The following STAB2 variants were observed in gnomAD, a reference collection of about 807,000 sequenced individuals.
STAB2 encodes stabilin-2.
STAB2 carries 288 observed loss-of-function variants against 338.1 expected under a neutral mutation model. That is an observed-to-expected ratio of 0.85 (90% CI 0.77 to 0.94). The LOEUF (loss-of-function observed/expected upper bound fraction) is 0.94. STAB2 is among the 40% of genes least tolerant of loss of function. STAB2 has a pLI of 0.00. For missense variants in STAB2, 3,141 were observed against 3,210.1 expected, an observed-to-expected ratio of 0.98 and a Z score of 0.52; for synonymous variants, 1,202 against 1,193.3, an observed-to-expected ratio of 1.01 and a Z score of -0.15.
At chr12:103,756,645 T>C (rs939442684) in intron 63 of STAB2, among the ~76,000 whole-genome samples, 7 of 152,122 alleles carry the variant, frequency 4.6e-5, no homozygotes, top group African/African-American at 1.7e-4. Context: ...CCCTCATGCT[T>C]TCGAGTACGG....
At chr12:103,693,331 G>A (rs1476541166) in intron 31 of STAB2, among the ~76,000 whole-genome samples, 1 of 152,038 alleles carries the variant, frequency 6.6e-6, no homozygotes, top group Non-Finnish European at 1.5e-5. Flanking sequence ...CAGCTACTAG[G>A]AAGGCTGAGG....
At chr12:103,613,291 T>C (rs1957155798) in intron 3 of STAB2, among the ~76,000 whole-genome samples, 1 of 152,046 alleles carries the variant, frequency 6.6e-6, no homozygotes, top group South Asian at 2.1e-4. Context: ...AGAGGTGGAG[T>C]ATACAGAGGT....
chr12:103,713,777 CCTT>C lies in STAB2; in HGVS notation c.4537+11_4537+13del. 6.2e-7 allele frequency: 1 copy of C among 1,613,326 alleles called. No individual in the cohort carries two copies. The highest frequency in any genetic ancestry group is 8.5e-7 in the Non-Finnish European group (1 of 1,179,566). ...TGGCATTGTGTGCCTGGGTAGGTGT[CCTT>C]CCCTCTTCCATCGGCGAAATGGTAT... is the stretch of plus-strand genomic sequence containing the variant. On this transcript the variant is annotated intron_variant, in intron 42 of 68. Coordinates refer to ENST00000388887, the MANE Select transcript of STAB2 (RefSeq NM_017564.10).
intron 3 of STAB2, among the ~76,000 whole-genome samples, chr12:103,595,651 A>G (rs1593120410): frequency 1.3e-5 from 2 of 152,220 alleles, no homozygotes; most frequent in Admixed American, 6.5e-5. Context: ...TACTCAGCTT[A>G]TATTACCAGA....
intron 9 of STAB2, among the ~76,000 whole-genome samples, chr12:103,643,190 C>T (rs902404624): frequency 8.5e-5 from 13 of 152,108 alleles, no homozygotes; most frequent in Admixed American, 3.3e-4. Context: ...TAAGGGCACT[C>T]ATTCCATTCA....
Position 103,757,035 on chromosome 12 carries a change from T to C in STAB2, c.6988-1135T>C, listed in dbSNP as rs540313162. ...TATATATATATATATATATATAAAA[T>C]ATATATATTAAAGTATGTAAATATA... On this transcript the variant is annotated intron_variant, in intron 63 of 68. Coordinates refer to ENST00000388887, the MANE Select transcript of STAB2 (RefSeq NM_017564.10). Among the ~76,000 whole-genome samples, 17 of 138,544 alleles carry C rather than the reference T, an allele frequency of 1.2e-4. 1 individual carries two copies. In the South Asian group the frequency reaches 3.8e-3, roughly 31 times the overall value. 90.9% of individuals were successfully genotyped at this position (138,544 alleles called of 152,430 possible).
At chr12:103,693,490 G>A (rs1311853439) in intron 31 of STAB2, among the ~76,000 whole-genome samples, 2 of 148,898 alleles carry the variant, frequency 1.3e-5, no homozygotes, top group African/African-American at 5.0e-5. Flanking sequence ...TGTGAAGTCT[G>A]TACAACCAGA....
chr12:103,661,900 GGGTCA>G (rs1874654428), intron 17 of STAB2, among the ~76,000 whole-genome samples: 1 of 152,110 alleles, frequency 6.6e-6, no homozygotes, highest in Non-Finnish European at 1.5e-5. Context: ...AGGAGAGTGG[GGGTCA>G]GGTCATGCAT....
chr12:103,726,584 A>G (rs533794261), intron 46 of STAB2, among the ~76,000 whole-genome samples: 2 of 152,252 alleles, frequency 1.3e-5, no homozygotes, highest in East Asian at 3.9e-4. Flanking sequence ...GGGACCCTGG[A>G]TTTCTAGAAT....
chr12:103,751,285 C>T lies in STAB2; in HGVS notation c.6580+565C>T, dbSNP rs184170989. Among the ~76,000 whole-genome samples the T allele has an allele frequency of 4.6e-5, 7 of 152,102 alleles. No homozygotes were observed. The East Asian group carries it at 1.2e-3, about 25-fold the overall frequency. On this transcript the variant is annotated intron_variant, in intron 60 of 68. Transcript: ENST00000388887. ...TTTCTGCTGGCCAGGACAGCATGGC[C>T]AGGAGAGAATGATCAAGGGTCAGCT...
intron 21 of STAB2, among the ~76,000 whole-genome samples, chr12:103,670,062 C>T (rs1875604779): frequency 6.6e-6 from 1 of 152,208 alleles, no homozygotes; most frequent in Admixed American, 6.5e-5. Context: ...ACTCATCTAG[C>T]TTGGAGGCAA....
chr12:103,736,577 G>C (rs1026347574), intron 52 of STAB2, among the ~76,000 whole-genome samples: 5 of 151,966 alleles, frequency 3.3e-5, no homozygotes, highest in African/African-American at 1.2e-4. Flanking sequence ...TAGTAAGAAT[G>C]CCCTCTGCTT....
At chr12:103,702,728 C>T (rs971260924) in intron 34 of STAB2, among the ~76,000 whole-genome samples, 1 of 152,228 alleles carries the variant, frequency 6.6e-6, no homozygotes, top group African/African-American at 2.4e-5. Flanking sequence ...GAAGGCACTA[C>T]CACCTCCAGA....
At chr12:103,737,566 T>G in intron 52 of STAB2, 68 bp from the exon 53 acceptor site, 1 of 1,436,890 alleles carries the variant, frequency 7.0e-7, no homozygotes, top group Non-Finnish European at 9.3e-7. Flanking sequence ...GTGAAAGAGA[T>G]TGACTGTTTC....
intron 3 of STAB2, among the ~76,000 whole-genome samples, chr12:103,616,649 G>C (rs766497097): frequency 2.0e-5 from 3 of 152,184 alleles, no homozygotes; most frequent in Admixed American, 6.5e-5. Flanking sequence ...AGGCAAACTG[G>C]GTGTCACCCA....
chr12:103,750,278 G>A (rs1422089392), intron 59 of STAB2, among the ~76,000 whole-genome samples: 1 of 152,188 alleles, frequency 6.6e-6, no homozygotes, highest in Non-Finnish European at 1.5e-5. Flanking sequence ...AGCACAAGGA[G>A]CCCTGTGAAG....
At chr12:103,756,709 A>C (rs1439019329) in intron 63 of STAB2, among the ~76,000 whole-genome samples, 1 of 152,108 alleles carries the variant, frequency 6.6e-6, no homozygotes, top group Non-Finnish European at 1.5e-5. Context: ...CAGTGACCGC[A>C]GGAGGAAAGG....
rs565878443 is a variant in STAB2, at chr12:103,664,311, T to A, written c.2022+1313T>A. Among the ~76,000 whole-genome samples, 3 of 152,082 alleles carry A rather than the reference T, an allele frequency of 2.0e-5. No individual in the cohort carries two copies. The South Asian group carries it at 6.2e-4, about 32-fold the overall frequency. The stretch of plus-strand genomic sequence containing the variant: ...GGTGCCCTCCACCACGCCCGGCTAA[T>A]TTTTTTGTATTTTTAGTAGAGACGG... On this transcript the variant is annotated intron_variant, in intron 18 of 68. Transcript: ENST00000388887.
Position 103,677,574 on chromosome 12 carries a change from A to C in STAB2, c.2768A>C (p.His923Pro). The change falls in exon 25 of 69, where the codon CAC becomes CCC. Residue 923 changes from histidine to proline, a missense_variant. His to Pro is a moderately conservative substitution (Grantham distance 77). Transcript: ENST00000388887. ...CTGCTGCCCAGTGCAGGCGGCTGCC[A>C]CGACAACGCATCCTGTTTGTATGTG... is the stretch of plus-strand genomic sequence containing the variant. ...NCLLPSAGGC[H>P]DNASCLYVGP... is the part of the protein sequence containing the mutation. The C allele has an allele frequency of 6.2e-7, 1 of 1,614,048 alleles. No individual in the cohort carries two copies. Among genetic ancestry groups the C allele is most frequent in the Non-Finnish European group, 8.5e-7 (1 of 1,179,896 alleles).
Sources: allele counts gnomAD v4.1 joint callset (sites outside exome capture counted in the v4.1 genomes callset), GRCh38; gene constraint gnomAD v4.1.1; transcripts MANE v1.5; gene names NCBI Gene and HGNC (gene_info 2026-07-23, HGNC 2026-07-21).